EXOC6B: variants seen among roughly 807,000 people sequenced by gnomAD.
The protein encoded by EXOC6B is exocyst complex component 6B.
Under a neutral mutation model 113.5 loss-of-function variants are expected in EXOC6B, and 54 were observed. The observed-to-expected ratio is 0.48, with a 90% CI of 0.38 to 0.60. The LOEUF (loss-of-function observed/expected upper bound fraction) is 0.60. Ranked by LOEUF, EXOC6B falls within the 20% of genes least tolerant of loss-of-function variation. The probability of loss-of-function intolerance (pLI) is 0.00; values close to 1 mark genes in which losing one functional copy is unlikely to be tolerated. For synonymous variants in EXOC6B, 357 were observed against 339.0 expected, an observed-to-expected ratio of 1.05 and a Z score of -0.58; for missense variants, 797 against 977.5, an observed-to-expected ratio of 0.82 and a Z score of 2.46.
At chr2:72,415,160 C>T (rs1404921256) in intron 18 of EXOC6B, among the ~76,000 whole-genome samples, 1 of 152,176 alleles carries the variant, frequency 6.6e-6, no homozygotes, top group Non-Finnish European at 1.5e-5. Context: ...TATTCATTTA[C>T]ATTTTCAAGT....
chr2:72,265,693 G>C (rs1684030121), intron 20 of EXOC6B, among the ~76,000 whole-genome samples: 1 of 151,612 alleles, frequency 6.6e-6, no homozygotes, highest in Non-Finnish European at 1.5e-5. Context: ...TTGCTATTGT[G>C]AATAGTGCCG....
At chr2:72,620,932 G>T (rs906996827) in intron 6 of EXOC6B, among the ~76,000 whole-genome samples, 2 of 151,800 alleles carry the variant, frequency 1.3e-5, no homozygotes, top group Admixed American at 6.6e-5. Context: ...TCCGAGAAAC[G>T]CAAATCAAAA....
rs558408259 is a variant in EXOC6B, at chr2:72,460,630, A to T, written c.1980+4530T>A. On this transcript the variant is annotated intron_variant, in intron 18 of 21. Coordinates refer to ENST00000272427, the MANE Select transcript of EXOC6B (RefSeq NM_015189.3). ...AAATGCTCACCATCACTGGTCATCAAAGAAATGCAAATCAAAATCACAATG... is the reference window on the plus strand; with the variant it reads ...AAATGCTCACCATCACTGGTCATCATAGAAATGCAAATCAAAATCACAATG... Among the ~76,000 whole-genome samples the T allele has an allele frequency of 7.9e-5, 12 of 152,292 alleles. No homozygotes were observed. The East Asian group carries it at 2.3e-3, about 29-fold the overall frequency.
At chr2:72,413,502 G>T (rs1694319222) in intron 18 of EXOC6B, among the ~76,000 whole-genome samples, 1 of 150,904 alleles carries the variant, frequency 6.6e-6, no homozygotes, top group Non-Finnish European at 1.5e-5. Flanking sequence ...GGCCAGTATG[G>T]TGAAACCCAA....
At chr2:72,715,792 T>C (rs1190361024) in intron 6 of EXOC6B, among the ~76,000 whole-genome samples, 3 of 152,126 alleles carry the variant, frequency 2.0e-5, no homozygotes, top group Non-Finnish European at 2.9e-5. Context: ...GCAATTTTAG[T>C]TGAGTAGTTA....
chr2:72,641,094 T>C (rs1399144230), intron 6 of EXOC6B, among the ~76,000 whole-genome samples: 1 of 152,242 alleles, frequency 6.6e-6, no homozygotes, highest in African/African-American at 2.4e-5. Context: ...ACAGGAAGTC[T>C]GTTCCAAGAT....
intron 19 of EXOC6B, among the ~76,000 whole-genome samples, chr2:72,379,147 A>T (rs188742320): frequency 9.8e-5 from 15 of 152,296 alleles, no homozygotes; most frequent in African/African-American, 3.1e-4. Context: ...TCACACTCTA[A>T]TTATACCAAA....
intron 18 of EXOC6B, among the ~76,000 whole-genome samples, chr2:72,401,220 G>T (rs1230510581): frequency 6.6e-6 from 1 of 151,000 alleles, no homozygotes; most frequent in Non-Finnish European, 1.5e-5. Flanking sequence ...CAGCACTTTG[G>T]GGAGGCTGAG....
At chr2:72,279,966 T>C (rs924678398) in intron 20 of EXOC6B, among the ~76,000 whole-genome samples, 2 of 152,084 alleles carry the variant, frequency 1.3e-5, no homozygotes, top group Admixed American at 1.3e-4. Flanking sequence ...ATTTAGAAAC[T>C]CATGACTGAG....
chr2:72,268,904 A>T (rs1559078850), intron 20 of EXOC6B, among the ~76,000 whole-genome samples: 2 of 152,210 alleles, frequency 1.3e-5, no homozygotes, highest in Admixed American at 1.3e-4. Context: ...CAGCCTACAG[A>T]ACAATGAACC....
At chr2:72,536,101 C>T (rs947100549) in intron 8 of EXOC6B, among the ~76,000 whole-genome samples, 1 of 152,112 alleles carries the variant, frequency 6.6e-6, no homozygotes, top group Non-Finnish European at 1.5e-5. Flanking sequence ...AATGTTCCCT[C>T]AGTTCAAGAT....
At chr2:72,182,081 G>A (rs187710959) in intron 21 of EXOC6B, among the ~76,000 whole-genome samples, 1 of 152,252 alleles carries the variant, frequency 6.6e-6, no homozygotes, top group Admixed American at 6.5e-5. Flanking sequence ...CAGGTAAAGG[G>A]GTCAATTCCT....
chr2:72,583,259 A>G (rs1705341102), intron 6 of EXOC6B, among the ~76,000 whole-genome samples: 1 of 152,220 alleles, frequency 6.6e-6, no homozygotes, highest in Non-Finnish European at 1.5e-5. Context: ...AAGAAGAAAA[A>G]GTCAACAACC....
At chr2:72,583,506 T>C (rs1222228633) in intron 6 of EXOC6B, among the ~76,000 whole-genome samples, 1 of 152,166 alleles carries the variant, frequency 6.6e-6, no homozygotes, top group Non-Finnish European at 1.5e-5. Context: ...AACAGTGAAC[T>C]TCTCAGTAGA....
At chr2:72,587,204 T>C (rs1208812704) in intron 6 of EXOC6B, among the ~76,000 whole-genome samples, 1 of 152,142 alleles carries the variant, frequency 6.6e-6, no homozygotes, top group Admixed American at 6.5e-5. Flanking sequence ...AAAAATGTGG[T>C]ACATATACAT....
chr2:72,507,940 A>G (rs1274899236), intron 11 of EXOC6B, among the ~76,000 whole-genome samples: 1 of 151,602 alleles, frequency 6.6e-6, no homozygotes, highest in African/African-American at 2.4e-5. Context: ...GGAACACAAA[A>G]AAACATTGCT....
chr2:72,646,850 A>T (rs1246579348), intron 6 of EXOC6B, among the ~76,000 whole-genome samples: 1 of 152,184 alleles, frequency 6.6e-6, no homozygotes, highest in Admixed American at 6.5e-5. Flanking sequence ...TATCATACTG[A>T]ATGGGCAAAA....
intron 18 of EXOC6B, among the ~76,000 whole-genome samples, chr2:72,433,677 C>T (rs1429833376): frequency 3.3e-5 from 5 of 152,044 alleles, no homozygotes; most frequent in East Asian, 3.8e-4. Flanking sequence ...AATTGTGAAT[C>T]GGAGCTCACT....
chr2:72,585,201 A>G (rs1362092780), intron 6 of EXOC6B, among the ~76,000 whole-genome samples: 1 of 152,226 alleles, frequency 6.6e-6, no homozygotes, highest in Non-Finnish European at 1.5e-5. Flanking sequence ...CAAAAGATCA[A>G]TGAAATTAAA....
Sources: gnomAD v4.1 joint callset for allele counts (sites outside exome capture counted in the v4.1 genomes callset) on GRCh38, gnomAD v4.1.1 for gene constraint, MANE v1.5 for transcripts, NCBI Gene and HGNC (gene_info 2026-07-23, HGNC 2026-07-21) for gene names.